The following FOXJ3 variants were observed in gnomAD, a reference collection of about 807,000 sequenced individuals.
FOXJ3 encodes forkhead box J3.
Under a neutral mutation model 76.1 loss-of-function variants are expected in FOXJ3, and 22 were observed. The observed-to-expected ratio is 0.29, with a 90% CI of 0.21 to 0.41. The LOEUF (loss-of-function observed/expected upper bound fraction) is 0.41. FOXJ3 is among the 10% of genes least tolerant of loss of function. The probability of loss-of-function intolerance (pLI) is 1.00; values close to 1 mark genes in which losing one functional copy is unlikely to be tolerated. For synonymous variants in FOXJ3, 269 were observed against 261.2 expected, an observed-to-expected ratio of 1.03 and a Z score of -0.29; for missense variants, 613 against 762.1, an observed-to-expected ratio of 0.80 and a Z score of 2.30.
At chr1:42,275,080 G>A (rs1557692019) in intron 3 of FOXJ3, among the ~76,000 whole-genome samples, 1 of 152,156 alleles carries the variant, frequency 6.6e-6, no homozygotes, top group Non-Finnish European at 1.5e-5. Flanking sequence ...TGCACTTATT[G>A]AAGCTTACTA....
intron 4 of FOXJ3, among the ~76,000 whole-genome samples, chr1:42,258,898 C>T (rs1053368825): frequency 1.3e-5 from 2 of 152,132 alleles, no homozygotes; most frequent in Non-Finnish European, 2.9e-5. Context: ...CACAAGGCAG[C>T]TTAACTTGAC....
At chr1:42,302,201 G>A (rs957481203) in intron 2 of FOXJ3, among the ~76,000 whole-genome samples, 5 of 152,178 alleles carry the variant, frequency 3.3e-5, no homozygotes, top group African/African-American at 1.2e-4. Context: ...AGTTTATCTA[G>A]ATCCCTAGTG....
At chr1:42,327,028 T>C (rs1039857780) in intron 1 of FOXJ3, among the ~76,000 whole-genome samples, 1 of 152,202 alleles carries the variant, frequency 6.6e-6, no homozygotes, top group Non-Finnish European at 1.5e-5. Context: ...CATATCACTA[T>C]TAACACATAT....
chr1:42,281,851 G>T (rs372813551), intron 2 of FOXJ3, among the ~76,000 whole-genome samples: 1 of 152,174 alleles, frequency 6.6e-6, no homozygotes, highest in Admixed American at 6.5e-5. Flanking sequence ...CTGAGGTCTG[G>T]AGTTTGAGAC....
intron 5 of FOXJ3, among the ~76,000 whole-genome samples, chr1:42,225,113 T>C (rs1313358112): frequency 6.6e-6 from 1 of 152,106 alleles, no homozygotes; most frequent in African/African-American, 2.4e-5. Flanking sequence ...CCTTCTCTGT[T>C]CCATCAAAAG....
intron 4 of FOXJ3, among the ~76,000 whole-genome samples, chr1:42,245,508 G>A (rs569602273): frequency 1.3e-5 from 2 of 152,238 alleles, no homozygotes; most frequent in Admixed American, 1.3e-4. Flanking sequence ...ATAGAAGAAT[G>A]GTTCAACATA....
At chr1:42,248,251 T>C (rs554665509) in intron 4 of FOXJ3, among the ~76,000 whole-genome samples, 10 of 152,108 alleles carry the variant, frequency 6.6e-5, no homozygotes, top group South Asian at 2.1e-4. Flanking sequence ...AAAGACAACA[T>C]TGGCCGGGCG....
Position 42,278,357 on chromosome 1 carries a change from A to G in FOXJ3, c.360T>C (p.Ser120=), listed in dbSNP as rs1652450583. The G allele has an allele frequency of 6.2e-7, 1 of 1,602,724 alleles. No homozygotes were observed. The highest frequency in any genetic ancestry group is 8.5e-7 in the Non-Finnish European group (1 of 1,171,110). The change falls in exon 3 of 13, where the codon AGT becomes AGC. Residue 120 remains serine, a synonymous_variant. Coordinates refer to ENST00000361346, the MANE Select transcript of FOXJ3 (RefSeq NM_014947.5). ...TAAATAAAATCCTTACCTTCCAACCACTGCCAGCCTCTCTATAATATGGGA... is the reference window on the plus strand; with the variant it reads ...TAAATAAAATCCTTACCTTCCAACCGCTGCCAGCCTCTCTATAATATGGGA... ...DNFPYYREAG[S]GWKNSIRHNL...
chr1:42,237,425 T>TACATAC (rs1553161288), intron 4 of FOXJ3, among the ~76,000 whole-genome samples: 1 of 137,504 alleles, frequency 7.3e-6, no homozygotes, highest in African/African-American at 2.7e-5. Context: ...TATATATATA[T>TACATAC]ATACATACAT....
chr1:42,319,810 G>T (rs1655330553), intron 1 of FOXJ3, among the ~76,000 whole-genome samples: 1 of 152,190 alleles, frequency 6.6e-6, no homozygotes, highest in Admixed American at 6.5e-5. Flanking sequence ...ACAGGAAAGG[G>T]TGAGTAAAAG....
At chr1:42,248,957 T>C (rs375996246) in intron 4 of FOXJ3, among the ~76,000 whole-genome samples, 19 of 152,166 alleles carry the variant, frequency 1.2e-4, no homozygotes, top group African/African-American at 4.6e-4. Flanking sequence ...CCTGTGTCCA[T>C]GTGTCCTCAT....
In FOXJ3 at chr1:42,191,272, G is replaced by C. The variant is rs72952306; in HGVS notation, c.1351+31C>G. 2.0e-3 allele frequency: 3,043 copies of C among 1,518,506 alleles called. 59 individuals are homozygous for C. In the African/African-American group the frequency reaches 0.038, roughly 19 times the overall value. The allele number at this position is 1,518,506 out of a possible 1,614,324, so 94.1% of individuals were successfully genotyped here. A position where few individuals can be genotyped will look rare whatever the true frequency, so the allele number is the denominator to read the frequency against. ...AAGGACAGATCCTAATTCACAGTTA[G>C]CCAAACACAAACCAGGAGACAAAAA... On this transcript the variant is annotated intron_variant, in intron 9 of 12. Coordinates refer to ENST00000361346, the MANE Select transcript of FOXJ3 (RefSeq NM_014947.5).
At chr1:42,206,396 G>A (rs1646862550) in intron 5 of FOXJ3, among the ~76,000 whole-genome samples, 1 of 152,162 alleles carries the variant, frequency 6.6e-6, no homozygotes, top group African/African-American at 2.4e-5. Context: ...ATATGGTGGT[G>A]GTGATCTTGC....
intron 11 of FOXJ3, among the ~76,000 whole-genome samples, chr1:42,186,917 G>A (rs949671788): frequency 4.0e-5 from 6 of 151,710 alleles, no homozygotes; most frequent in African/African-American, 9.7e-5. Context: ...GTGTGATCTC[G>A]GCTCACTACA....
chr1:42,266,537 A>T (rs1426160689), intron 3 of FOXJ3, among the ~76,000 whole-genome samples: 1 of 152,166 alleles, frequency 6.6e-6, no homozygotes, highest in East Asian at 1.9e-4. Context: ...GCAGTTAAAA[A>T]GAAATTAGCT....
At chr1:42,213,116 A>G (rs993348039) in intron 5 of FOXJ3, among the ~76,000 whole-genome samples, 14 of 152,202 alleles carry the variant, frequency 9.2e-5, no homozygotes. Context: ...GCAAAAGAAT[A>G]GAAACTCCTG....
At chr1:42,207,462 CCTCT>C (rs765561074) in intron 5 of FOXJ3, among the ~76,000 whole-genome samples, 3 of 152,214 alleles carry the variant, frequency 2.0e-5, no homozygotes, top group Middle Eastern at 3.4e-3. Context: ...TGTGATAACT[CCTCT>C]CTCTAAGAAA....
At chr1:42,229,494 T>C (rs746323525) in intron 4 of FOXJ3, among the ~76,000 whole-genome samples, 3 of 152,262 alleles carry the variant, frequency 2.0e-5, no homozygotes, top group African/African-American at 4.8e-5. Context: ...GTGTACACTG[T>C]TGGGGTACAA....
At chr1:42,319,380 G>A (rs1655304757) in intron 1 of FOXJ3, among the ~76,000 whole-genome samples, 1 of 152,152 alleles carries the variant, frequency 6.6e-6, no homozygotes, top group Admixed American at 6.5e-5. Flanking sequence ...ATTATGCTAA[G>A]TGAAAGAAAC....
Sources: gnomAD v4.1 joint callset for allele counts (sites outside exome capture counted in the v4.1 genomes callset) on GRCh38, gnomAD v4.1.1 for gene constraint, MANE v1.5 for transcripts, NCBI Gene and HGNC (gene_info 2026-07-23, HGNC 2026-07-21) for gene names.